Variants in SHTN1 observed in about 807,000 individuals in gnomAD.
SHTN1 encodes shootin 1, also known as shootin-1.
Under a neutral mutation model 83.1 loss-of-function variants are expected in SHTN1, and 42 were observed. The observed-to-expected ratio is 0.51, with a 90% CI of 0.39 to 0.65. The LOEUF (loss-of-function observed/expected upper bound fraction) is 0.65, where lower values mean the gene tolerates loss of function less well. Among genes scored for constraint, SHTN1 ranks in the 30% least tolerant of loss-of-function variants. SHTN1 has a pLI of 0.00. For synonymous variants in SHTN1, 224 were observed against 247.7 expected (o/e 0.90, Z 0.90); for missense variants, 622 against 737.8 (o/e 0.84, Z 1.82).
intron 1 of SHTN1, among the ~76,000 whole-genome samples, chr10:117,118,078 AAACAAAT>A (rs1201782940): frequency 3.9e-5 from 6 of 152,222 alleles, no homozygotes; most frequent in Non-Finnish European, 8.8e-5. Context: ...ACAGCAAAGG[AAACAAAT>A]AACAAAGTGA....
intron 1 of SHTN1, among the ~76,000 whole-genome samples, chr10:117,002,350 C>A (rs1358276889): frequency 6.6e-6 from 1 of 152,074 alleles, no homozygotes; most frequent in Non-Finnish European, 1.5e-5. Flanking sequence ...CCACATGGAC[C>A]TGACATATGG....
chr10:117,122,074 T>C (rs1853937720), intron 1 of SHTN1, among the ~76,000 whole-genome samples: 1 of 151,996 alleles, frequency 6.6e-6, no homozygotes, highest in Non-Finnish European at 1.5e-5. Flanking sequence ...AAATAAATCA[T>C]CTCTAGATTA....
In SHTN1 at chr10:117,078,093, C is replaced by A. The variant is rs117793767; in HGVS notation, c.-188-29583G>T. On this transcript the variant is annotated intron_variant, in intron 1 of 17. Coordinates refer to the SHTN1 transcript ENST00000392901. ...ATTAAAGTTTAGCAAACTTCCCATT[C>A]TATGGGTGCCAAATCATTATGCCCA... is the stretch of plus-strand genomic sequence containing the variant. 8.3e-4 allele frequency among the ~76,000 whole-genome samples: 127 copies of A among 152,308 alleles called. 3 individuals carry two copies. In the East Asian group the frequency reaches 0.022, roughly 26 times the overall value.
Position 117,047,863 on chromosome 10 carries a change from C to A in SHTN1, c.-123+582G>T, listed in dbSNP as rs192893843. Among the ~76,000 whole-genome samples, 125 of 149,568 alleles carry A rather than the reference C, an allele frequency of 8.4e-4. 1 individual carries two copies. Among genetic ancestry groups the A allele is most frequent in the African/African-American group, 3.0e-3 (121 of 40,774 alleles). ...AACTCTGGACCTCAAATGATCCACC[C>A]ACCTCAGCCTCCCAAAATGTTGGGA... On this transcript the variant is annotated intron_variant, in intron 2 of 17. Coordinates refer to the SHTN1 transcript ENST00000392901.
intron 12 of SHTN1, 29 bp from the exon 13 acceptor site, chr10:116,915,513 C>T: frequency 1.6e-6 from 2 of 1,277,704 alleles, no homozygotes; most frequent in Non-Finnish European, 2.3e-6. Flanking sequence ...CATAAATCCT[C>T]TTATGTTACA....
chr10:117,112,630 A>G (rs1056233935), intron 1 of SHTN1, among the ~76,000 whole-genome samples: 3 of 152,228 alleles, frequency 2.0e-5, no homozygotes, highest in African/African-American at 7.2e-5. Flanking sequence ...CCAAAGCTCC[A>G]GAGTTAATGA....
At chr10:117,059,276 T>C (rs1419799616) in intron 1 of SHTN1, among the ~76,000 whole-genome samples, 2 of 152,046 alleles carry the variant, frequency 1.3e-5, no homozygotes, top group Non-Finnish European at 2.9e-5. Flanking sequence ...AAATATAGAG[T>C]ACAGCCACTC....
chr10:116,921,628 T>C (rs1432271052), intron 11 of SHTN1, 112 bp from the exon 12 acceptor site: 2 of 650,540 alleles, frequency 3.1e-6, no homozygotes, highest in Non-Finnish European at 2.6e-6. Flanking sequence ...AGAATCTAAG[T>C]AGTCTACGTT....
chr10:117,000,902 C>CT (rs1211172104), intron 1 of SHTN1, among the ~76,000 whole-genome samples: 1 of 152,202 alleles, frequency 6.6e-6, no homozygotes, highest in African/African-American at 2.4e-5. Flanking sequence ...TTATTCAGCT[C>CT]TATCTCTCTG....
chr10:117,104,787 C>A (rs932098792), intron 1 of SHTN1, among the ~76,000 whole-genome samples: 1 of 151,928 alleles, frequency 6.6e-6, no homozygotes, highest in African/African-American at 2.4e-5. Flanking sequence ...ACAACAACAA[C>A]AAAAATTTTA....
At chr10:116,926,494 C>T (rs920387750) in intron 11 of SHTN1, among the ~76,000 whole-genome samples, 11 of 152,116 alleles carry the variant, frequency 7.2e-5, no homozygotes, top group African/African-American at 2.2e-4. Context: ...AATTATTTTG[C>T]CTTAACTACT....
intron 14 of SHTN1, among the ~76,000 whole-genome samples, chr10:116,908,471 T>G (rs988079430): frequency 9.2e-5 from 14 of 152,178 alleles, no homozygotes; most frequent in Non-Finnish European, 4.4e-5. Context: ...ACTTTACATT[T>G]GAAAAAAGTA....
chr10:117,070,693 G>T (rs547876391), intron 1 of SHTN1, among the ~76,000 whole-genome samples: 17 of 151,058 alleles, frequency 1.1e-4, no homozygotes, highest in African/African-American at 4.1e-4. Context: ...TCCACTCAGG[G>T]TGCCACAGCG....
At chr10:117,048,603 T>C (rs1852699964) in intron 1 of SHTN1, 1 of 354,450 alleles carries the variant, frequency 2.8e-6, no homozygotes, top group Non-Finnish European at 3.9e-6. Flanking sequence ...AACTCTGAAA[T>C]GTGTTCAGAC....
At chr10:117,041,257 G>A (rs1042011679) in intron 2 of SHTN1, among the ~76,000 whole-genome samples, 10 of 152,086 alleles carry the variant, frequency 6.6e-5, no homozygotes, top group South Asian at 2.1e-4. Flanking sequence ...GTATGTCTTC[G>A]TTAATATATT....
chr10:116,896,911 A>G (rs957961611), intron 16 of SHTN1, among the ~76,000 whole-genome samples: 1 of 151,692 alleles, frequency 6.6e-6, no homozygotes, highest in Non-Finnish European at 1.5e-5. Context: ...GGTTCAAGCA[A>G]TTCTCCTGCC....
At chr10:117,004,972 C>A in intron 1 of SHTN1, 50 bp downstream of exon 1, 1 of 1,538,740 alleles carries the variant, frequency 6.5e-7, no homozygotes, top group South Asian at 1.2e-5. Context: ...TGGGGCCGTC[C>A]CCGCCCACGG....
At chr10:116,902,105 G>A (rs1448544399) in intron 15 of SHTN1, 148 bp from the exon 16 acceptor site, 1 of 691,440 alleles carries the variant, frequency 1.4e-6, no homozygotes, top group Non-Finnish European at 2.3e-6. Flanking sequence ...AATGTTGTTG[G>A]AAATCTGCTC....
At chr10:117,083,327 T>C (rs1162272722) in intron 1 of SHTN1, among the ~76,000 whole-genome samples, 1 of 148,798 alleles carries the variant, frequency 6.7e-6, no homozygotes, top group East Asian at 2.0e-4. Flanking sequence ...AATTCTGGGT[T>C]GAAAATTCTT....
Sources: allele counts gnomAD v4.1 joint callset (sites outside exome capture counted in the v4.1 genomes callset), GRCh38; gene constraint gnomAD v4.1.1; transcripts MANE v1.5; gene names NCBI Gene and HGNC (gene_info 2026-07-23, HGNC 2026-07-21).